ADAMTSL1: variants seen among roughly 807,000 people sequenced by gnomAD.
ADAMTSL1 encodes the protein ADAMTS-like protein 1.
Under a neutral mutation model 201.8 loss-of-function variants are expected in ADAMTSL1, and 126 were observed. The ratio of observed to expected loss-of-function variants is 0.62; its 90% CI spans 0.54 to 0.72. ADAMTSL1 has a LOEUF of 0.72. Ranked by LOEUF, ADAMTSL1 falls within the 30% of genes least tolerant of loss-of-function variation. The pLI is 0.00. For missense variants in ADAMTSL1, 2,679 were observed against 2,277.8 expected (o/e 1.18, Z -3.59); for synonymous variants, 1,121 against 903.4 (o/e 1.24, Z -4.32).
At chr9:18,873,606 TGTAA>T (rs1378565295) in intron 23 of ADAMTSL1, among the ~76,000 whole-genome samples, 3 of 152,200 alleles carry the variant, frequency 2.0e-5, no homozygotes, top group Admixed American at 2.0e-4. Flanking sequence ...ATCAGTTGGC[TGTAA>T]GTATTTGGCT....
rs371164050 is a variant in ADAMTSL1, at chr9:18,586,311, C to G, written c.474+12045C>G. On this transcript the variant is annotated intron_variant, in intron 4 of 28. Transcript: ENST00000380548. ...ACACCAACAACAGCCAAGCTGAAAG[C>G]CAAATCAGGAATGCAATTCCATTTA... Among the ~76,000 whole-genome samples, 214 of 152,176 alleles carry G rather than the reference C, an allele frequency of 1.4e-3. 1 individual carries two copies. Among genetic ancestry groups the G allele is most frequent in the African/African-American group, 4.8e-3 (198 of 41,510 alleles).
chr9:18,793,435 G>A (rs758486597), intron 19 of ADAMTSL1, among the ~76,000 whole-genome samples: 1 of 152,172 alleles, frequency 6.6e-6, no homozygotes, highest in Non-Finnish European at 1.5e-5. Context: ...GGAAAGAATT[G>A]TATAGTGGGA....
rs576116264 is a variant in ADAMTSL1, at chr9:18,113,879, G to A, written c.88-49983G>A. Among the ~76,000 whole-genome samples the A allele has an allele frequency of 2.0e-5, 3 of 152,210 alleles. No homozygotes were observed. In the East Asian group the frequency reaches 5.8e-4, roughly 29 times the overall value. ...TGCTGTTTTTCCACTTTGTAGATGA[G>A]GAAACTGAGGCACAGAAAAGTGAAA... On this transcript the variant is annotated intron_variant, in intron 1 of 29. Transcript: ENST00000680146.
rs759869331 is a variant in ADAMTSL1, at chr9:18,777,413, C to G, written c.3184C>G (p.Gln1062Glu). 3.1e-6 allele frequency: 5 copies of G among 1,602,142 alleles called. No homozygotes were observed. Among genetic ancestry groups the G allele is most frequent in the Middle Eastern group, 3.3e-4 (2 of 6,050 alleles). The change falls in exon 19 of 29, where the codon CAA (glutamine) becomes GAA (glutamate). Residue 1062 changes from glutamine (Q) to glutamate (E), a missense_variant. Coordinates refer to ENST00000380548, the MANE Select transcript of ADAMTSL1 (RefSeq NM_001040272.6). ...CTCGGAGGAGGACCCGGGTGCAGAG[C>G]AAGTGCTCCTGCACCTGCCCTTCAC... ...TTSEEDPGAE[Q>E]VLLHLPFTMV...
At chr9:18,896,001 G>A (rs754242019) in intron 26 of ADAMTSL1, among the ~76,000 whole-genome samples, 10 of 152,174 alleles carry the variant, frequency 6.6e-5, no homozygotes, top group Non-Finnish European at 1.2e-4. Context: ...AGCAGATTTC[G>A]CAGGCAGCAG....
chr9:18,711,391 A>G (rs1587954367), intron 14 of ADAMTSL1, among the ~76,000 whole-genome samples: 1 of 152,216 alleles, frequency 6.6e-6, no homozygotes, highest in South Asian at 2.1e-4. Flanking sequence ...GGGTGAGCAC[A>G]CCGTGCGCGA....
intron 14 of ADAMTSL1, among the ~76,000 whole-genome samples, chr9:18,710,438 A>C (rs1486722756): frequency 6.6e-6 from 1 of 152,132 alleles, no homozygotes; most frequent in Non-Finnish European, 1.5e-5. Flanking sequence ...GGAGGCCTAG[A>C]GCCTTGTTTT....
At chr9:18,283,916 T>TAAAAAAAAAAAAAAAAAAAAAAAA (rs71333034) in intron 2 of ADAMTSL1, among the ~76,000 whole-genome samples, 15 of 26,554 alleles carry the variant, frequency 5.6e-4, no homozygotes, top group African/African-American at 1.2e-3. Context: ...AGACTCCGTC[T>TAAAAAAAAAAAAAAAAAAAAAAAA]AAAAAAAAAA....
chr9:18,088,041 G>T (rs75598667), intron 1 of ADAMTSL1, among the ~76,000 whole-genome samples: 1,961 of 152,186 alleles, frequency 0.013, 22 homozygotes, highest in Middle Eastern at 0.048. Flanking sequence ...CTATGTATTT[G>T]CATAAGTACA....
chr9:18,014,161 T>A (rs1431743029), intron 1 of ADAMTSL1, among the ~76,000 whole-genome samples: 8 of 152,032 alleles, frequency 5.3e-5, no homozygotes, highest in African/African-American at 1.7e-4. Flanking sequence ...CCCCAAAACC[T>A]GTGGCTTTGG....
At chr9:17,926,923 A>G (rs1054661738) in intron 1 of ADAMTSL1, among the ~76,000 whole-genome samples, 3 of 152,240 alleles carry the variant, frequency 2.0e-5, no homozygotes, top group Non-Finnish European at 4.4e-5. Context: ...ACAATTGACC[A>G]TCATGACCAC....
At chr9:17,928,034 G>T (rs1187968704) in intron 1 of ADAMTSL1, among the ~76,000 whole-genome samples, 1 of 146,034 alleles carries the variant, frequency 6.8e-6, no homozygotes, top group African/African-American at 2.5e-5. Flanking sequence ...TTGCTCTGTC[G>T]CCCAGGCTGG....
intron 4 of ADAMTSL1, among the ~76,000 whole-genome samples, chr9:18,585,013 T>C (rs553193349): frequency 6.6e-6 from 1 of 152,316 alleles, no homozygotes; most frequent in South Asian, 2.1e-4. Context: ...TCGATCTAGG[T>C]TTTTTTCTAT....
At chr9:18,587,159 G>A (rs543305614) in intron 4 of ADAMTSL1, among the ~76,000 whole-genome samples, 1 of 152,166 alleles carries the variant, frequency 6.6e-6, no homozygotes, top group South Asian at 2.1e-4. Context: ...AGAGTAAACA[G>A]ATAACCCTAC....
rs562760733 is a variant in ADAMTSL1, at chr9:18,737,911, A to T, written c.2007-15387A>T. Among the ~76,000 whole-genome samples, 352 of 152,286 alleles carry T rather than the reference A, an allele frequency of 2.3e-3. 3 individuals carry two copies. The highest frequency in any genetic ancestry group is 8.0e-3 in the African/African-American group (332 of 41,558). On this transcript the variant is annotated intron_variant, in intron 15 of 28. Coordinates refer to ENST00000380548, the MANE Select transcript of ADAMTSL1 (RefSeq NM_001040272.6). ...TCTAGAGCCAGACTTCCTGAGTTCA[A>T]ATCCTGGCTCCACCACTTACTGTGT...
intron 15 of ADAMTSL1, among the ~76,000 whole-genome samples, chr9:18,747,448 C>G (rs1325121659): frequency 2.0e-5 from 3 of 151,966 alleles, no homozygotes; most frequent in Non-Finnish European, 2.9e-5. Context: ...CAGCCCCATT[C>G]TCGGTGCCTT....
At chr9:18,581,556 A>G (rs1358179511) in intron 4 of ADAMTSL1, among the ~76,000 whole-genome samples, 2 of 152,164 alleles carry the variant, frequency 1.3e-5, no homozygotes, top group Non-Finnish European at 2.9e-5. Context: ...AGAAAGTTCC[A>G]AATTCTATCA....
chr9:17,941,122 T>A (rs569101099), intron 1 of ADAMTSL1, among the ~76,000 whole-genome samples: 59 of 152,180 alleles, frequency 3.9e-4, no homozygotes, highest in Admixed American at 1.3e-3. Flanking sequence ...GAAGTTGTAG[T>A]TCTGAGGCTA....
chr9:18,411,624 T>G (rs1445840937), intron 2 of ADAMTSL1, among the ~76,000 whole-genome samples: 1 of 152,218 alleles, frequency 6.6e-6, no homozygotes, highest in African/African-American at 2.4e-5. Context: ...AAAAGAATAG[T>G]AAAACACACC....
Sources: allele counts gnomAD v4.1 joint callset (sites outside exome capture counted in the v4.1 genomes callset), GRCh38; gene constraint gnomAD v4.1.1; transcripts MANE v1.5; gene names NCBI Gene and HGNC (gene_info 2026-07-23, HGNC 2026-07-21).